The following FGF14 variants were observed in gnomAD, a reference collection of about 807,000 sequenced individuals.
The protein encoded by FGF14 is fibroblast growth factor 14, also known as fibroblast growth factor homologous factor 4.
Under a neutral mutation model 25.5 loss-of-function variants are expected in FGF14, and 5 were observed. The ratio of observed to expected loss-of-function variants is 0.20; its 90% CI spans 0.10 to 0.41. FGF14 has a LOEUF of 0.41. Ranked by LOEUF, FGF14 falls within the 10% of genes least tolerant of loss-of-function variation. FGF14 has a pLI of 1.00. For missense variants in FGF14, 222 were observed against 320.1 expected (o/e 0.69, Z 2.34); for synonymous variants, 138 against 118.3 (o/e 1.17, Z -1.08).
chr13:101,850,668 GAGAAT>G (rs1299981914), intron 3 of FGF14, among the ~76,000 whole-genome samples: 18 of 138,698 alleles, frequency 1.3e-4, no homozygotes, highest in Non-Finnish European at 2.0e-4. Context: ...ATTCTATATA[GAGAAT>G]AGAATATATA....
intron 3 of FGF14, among the ~76,000 whole-genome samples, chr13:101,837,562 T>A (rs2042987957): frequency 6.6e-6 from 1 of 152,116 alleles, no homozygotes; most frequent in Non-Finnish European, 1.5e-5. Flanking sequence ...ACAACAATGA[T>A]GTTTTAAAGG....
At chr13:102,215,087 GAAAATTAAGTTTAAAATTTCACA>G (rs542124855) in intron 1 of FGF14, among the ~76,000 whole-genome samples, 80 of 152,234 alleles carry the variant, frequency 5.3e-4, no homozygotes, top group African/African-American at 1.8e-3. Flanking sequence ...ACTCTTCTAG[GAAAATTAAGTTTAAAATTTCACA>G]ATTTACCTCT....
intron 1 of FGF14, among the ~76,000 whole-genome samples, chr13:101,896,818 C>G (rs889923615): frequency 1.1e-4 from 16 of 152,152 alleles, no homozygotes; most frequent in Non-Finnish European, 1.6e-4. Flanking sequence ...TCATCAGGCT[C>G]TGACAATGAC....
chr13:102,309,135 T>TACACACACACAC (rs34911009), intron 1 of FGF14, among the ~76,000 whole-genome samples: 2,763 of 142,516 alleles, frequency 0.019, 65 homozygotes, highest in African/African-American at 0.051. Flanking sequence ...ATGCATAACA[T>TACACACACACAC]ACACACACAC....
rs1277316263 is a variant in FGF14, at chr13:101,711,995, A to ATCT, written c.*10833_*10835dup. 6.6e-6 allele frequency: 1 copy of ATCT among 152,208 alleles called. No homozygotes were observed. The highest frequency in any genetic ancestry group is 1.9e-4 in the East Asian group (1 of 5,188). The allele number at this position is 152,208 out of a possible 1,614,324, so 9.4% of individuals were successfully genotyped here. On this transcript the variant is annotated 3_prime_UTR_variant, in exon 5 of 5. Transcript: ENST00000376143. ...ACCTCTTGATAGTCATGCAGCCTAC[A>ATCT]TCTGTCTGATGGAACCCTCTCCCTG...
At chr13:102,279,041 G>T (rs969896049) in intron 1 of FGF14, among the ~76,000 whole-genome samples, 1 of 152,124 alleles carries the variant, frequency 6.6e-6, no homozygotes, top group Non-Finnish European at 1.5e-5. Context: ...TTATTTAAAT[G>T]TTATTTTATG....
intron 1 of FGF14, among the ~76,000 whole-genome samples, chr13:102,026,969 T>G (rs188563460): frequency 1.2e-3 from 190 of 152,172 alleles, no homozygotes; most frequent in Middle Eastern, 6.8e-3. Context: ...TGAGCTGTCT[T>G]TCTACCCATT....
At chr13:101,812,845 T>C (rs2041648701) in intron 3 of FGF14, among the ~76,000 whole-genome samples, 1 of 151,070 alleles carries the variant, frequency 6.6e-6, no homozygotes, top group Non-Finnish European at 1.5e-5. Context: ...TTTTGCATTT[T>C]TGGTAGAGAT....
intron 1 of FGF14, among the ~76,000 whole-genome samples, chr13:102,275,116 C>G (rs1208647212): frequency 6.6e-6 from 1 of 151,936 alleles, no homozygotes; most frequent in African/African-American, 2.4e-5. Context: ...TAAATTATGT[C>G]CTATCTTCAT....
At chr13:101,928,551 T>G (rs2034530801) in intron 1 of FGF14, among the ~76,000 whole-genome samples, 1 of 152,182 alleles carries the variant, frequency 6.6e-6, no homozygotes. Context: ...TCCCTATTTT[T>G]TTTTGAGACA....
intron 1 of FGF14, among the ~76,000 whole-genome samples, chr13:102,323,835 T>A (rs2152695): frequency 6.6e-6 from 1 of 152,096 alleles, no homozygotes; most frequent in African/African-American, 2.4e-5. Flanking sequence ...CTCCCACTTG[T>A]AATGTACAAC....
intron 1 of FGF14, among the ~76,000 whole-genome samples, chr13:101,977,323 T>G (rs1594887344): frequency 6.6e-6 from 1 of 152,186 alleles, no homozygotes; most frequent in Non-Finnish European, 1.5e-5. Context: ...TAGCCATTTC[T>G]GAGTTGCAGT....
intron 1 of FGF14, among the ~76,000 whole-genome samples, chr13:102,075,737 A>G (rs955556774): frequency 2.0e-5 from 3 of 152,200 alleles, no homozygotes; most frequent in African/African-American, 7.2e-5. Flanking sequence ...TTGTTATCAT[A>G]GGAGATGACA....
intron 3 of FGF14, among the ~76,000 whole-genome samples, chr13:101,740,146 A>G (rs532483358): frequency 3.0e-4 from 46 of 152,256 alleles, no homozygotes; most frequent in African/African-American, 1.1e-3. Context: ...AAATTTTGCA[A>G]TCGGGGAGCT....
chr13:101,916,534 C>CGCGGTTCTTGCTGGGGCTGCT lies in FGF14; in HGVS notation c.91_111dup (p.Ser31_Arg37dup), dbSNP rs1308649348. The CGCGGTTCTTGCTGGGGCTGCT allele has an allele frequency of 1.2e-6, 2 of 1,613,738 alleles. No individual in the cohort carries two copies. Among genetic ancestry groups the CGCGGTTCTTGCTGGGGCTGCT allele is most frequent in the East Asian group, 2.2e-5 (1 of 44,838 alleles). On this transcript the variant is annotated inframe_insertion, in exon 1 of 5. Transcript: ENST00000376143. ...TCCACCAGGTTGCCGTTGCAGAGCC[C>CGCGGTTCTTGCTGGGGCTGCT]GCGGTTCTTGCTGGGGCTGCTCCGC...
At chr13:101,808,502 T>C (rs904015567) in intron 3 of FGF14, among the ~76,000 whole-genome samples, 2 of 152,176 alleles carry the variant, frequency 1.3e-5, no homozygotes, top group African/African-American at 4.8e-5. Context: ...GAATTTGTGA[T>C]TTTTAAATAA....
intron 1 of FGF14, among the ~76,000 whole-genome samples, chr13:102,350,401 C>T (rs1030061589): frequency 4.6e-5 from 7 of 151,946 alleles, no homozygotes; most frequent in Admixed American, 3.9e-4. Flanking sequence ...AAATCATCTC[C>T]CCAACAGGCT....
At chr13:102,365,064 G>A (rs149448589) in intron 1 of FGF14, among the ~76,000 whole-genome samples, 5 of 152,178 alleles carry the variant, frequency 3.3e-5, no homozygotes, top group Admixed American at 2.6e-4. Context: ...CTCCATTGTG[G>A]GAATGTAATT....
chr13:102,391,869 C>T (rs867944990), intron 1 of FGF14, among the ~76,000 whole-genome samples: 2 of 152,192 alleles, frequency 1.3e-5, no homozygotes, highest in Non-Finnish European at 2.9e-5. Context: ...TTAAAAGTTA[C>T]AACACCTGGT....
Sources: gnomAD v4.1 joint callset for allele counts (sites outside exome capture counted in the v4.1 genomes callset) on GRCh38, gnomAD v4.1.1 for gene constraint, MANE v1.5 for transcripts, NCBI Gene and HGNC (gene_info 2026-07-23, HGNC 2026-07-21) for gene names.